Variants in CD58 observed in about 807,000 individuals in gnomAD.
CD58 encodes lymphocyte function-associated antigen 3.
In CD58, 14 loss-of-function variants were observed where a neutral mutation model predicts 27.6. The observed-to-expected ratio is 0.51, with a 90% confidence interval of 0.34 to 0.79. The LOEUF (loss-of-function observed/expected upper bound fraction) is 0.79, where lower values mean the gene tolerates loss of function less well. CD58 is among the 30% of genes least tolerant of loss of function. CD58 has a pLI of 0.02. For missense variants in CD58, 268 were observed against 301.7 expected (o/e 0.89, Z 0.83); for synonymous variants, 117 against 103.8 (o/e 1.13, Z -0.77).
At chr1:116,529,417 G>A (rs1163706240) in intron 3 of CD58, among the ~76,000 whole-genome samples, 1 of 152,200 alleles carries the variant, frequency 6.6e-6, no homozygotes, top group Non-Finnish European at 1.5e-5. Context: ...ATGCCTTGGA[G>A]CTGCAATTTT....
At chr1:116,564,335 T>C (rs1354618166) in intron 1 of CD58, among the ~76,000 whole-genome samples, 1 of 152,232 alleles carries the variant, frequency 6.6e-6, no homozygotes, top group East Asian at 1.9e-4. Flanking sequence ...TCTTCCTGTC[T>C]TCTTCTGAGT....
At chr1:116,529,408 T>A (rs986205268) in intron 3 of CD58, among the ~76,000 whole-genome samples, 2 of 152,204 alleles carry the variant, frequency 1.3e-5, no homozygotes, top group African/African-American at 4.8e-5. Flanking sequence ...CATCTCCCAA[T>A]GCCTTGGAGC....
chr1:116,552,603 C>A lies in CD58; in HGVS notation c.71-7999G>T, dbSNP rs1017165282. ...AAATGGTCTTATGCACACTTCTCTACATCCCGCCTTTCCATTAATATGTCA... is the reference window on the plus strand; with the variant it reads ...AAATGGTCTTATGCACACTTCTCTAAATCCCGCCTTTCCATTAATATGTCA... On this transcript the variant is annotated intron_variant, in intron 1 of 5. Coordinates refer to ENST00000369489, the MANE Select transcript of CD58 (RefSeq NM_001779.3). The surrounding 1 kb of genome is among the most constrained non-coding windows in gnomAD (Gnocchi z 4.5). 1.3e-5 allele frequency among the ~76,000 whole-genome samples: 2 copies of A among 152,222 alleles called. No individual in the cohort carries two copies. The highest frequency in any genetic ancestry group is 1.3e-4 in the Admixed American group (2 of 15,288).
At position 116,522,975 on chromosome 1, in the gene CD58, TAATA is replaced by T. The variant is rs1190945998; in HGVS notation, c.629-996_629-993del. On this transcript the variant is annotated intron_variant, in intron 3 of 5. Transcript: ENST00000369489. This position sits in a 1 kb window ranked among gnomAD's most constrained non-coding sequence, Gnocchi z 4.6. The stretch of plus-strand genomic sequence containing the variant: ...CTCACAGGGTAACTATACTCGAGAC[TAATA>T]AATATACTTATCTCATAGGGTAGTT... Among the ~76,000 whole-genome samples, 1 of 152,222 alleles carries T rather than the reference TAATA, an allele frequency of 6.6e-6. No individual in the cohort carries two copies. Among genetic ancestry groups the T allele is most frequent in the Non-Finnish European group, 1.5e-5 (1 of 68,036 alleles).
At chr1:116,547,610 C>G (rs535911131) in intron 1 of CD58, among the ~76,000 whole-genome samples, 1 of 151,978 alleles carries the variant, frequency 6.6e-6, no homozygotes, top group East Asian at 1.9e-4. Flanking sequence ...ATTACAGACA[C>G]GAGCCACCGC....
At position 116,535,203 on chromosome 1, in the gene CD58, C is replaced by T. The variant is rs115786588; in HGVS notation, c.628+762G>A. Among the ~76,000 whole-genome samples the T allele has an allele frequency of 5.6e-3, 851 of 152,298 alleles. 5 individuals are homozygous for T. The highest frequency in any genetic ancestry group is 0.02 in the African/African-American group (816 of 41,564). On this transcript the variant is annotated intron_variant, in intron 3 of 5. Transcript: ENST00000369489. ...TAGGCCTAAGGAAACATATCAAATG[C>T]ATGTTCCTGTAGTAGATATGTAACC...
chr1:116,519,617 T>G lies in CD58; in HGVS notation c.707-350A>C, dbSNP rs1362807994. Among the ~76,000 whole-genome samples, 1 of 152,056 alleles carries G rather than the reference T, an allele frequency of 6.6e-6. No homozygotes were observed. The highest frequency in any genetic ancestry group is 2.4e-5 in the African/African-American group (1 of 41,462). ...CAAGCCACATAAGTAATTTAAAATT[T>G]TTGGTATCCACATTACAAAGTAAAA... is the stretch of plus-strand genomic sequence containing the variant. On this transcript the variant is annotated intron_variant, in intron 4 of 5. Coordinates refer to ENST00000369489, the MANE Select transcript of CD58 (RefSeq NM_001779.3). The surrounding 1 kb of genome is among the most constrained non-coding windows in gnomAD (Gnocchi z 4.7).
intron 3 of CD58, among the ~76,000 whole-genome samples, chr1:116,530,667 G>C (rs1051994795): frequency 6.6e-6 from 1 of 152,098 alleles, no homozygotes; most frequent in Admixed American, 6.5e-5. Flanking sequence ...GGAAAGTTTA[G>C]ATGAGAAATC....
At chr1:116,533,190 C>G in intron 3 of CD58, 2 of 755,272 alleles carry the variant, frequency 2.6e-6, no homozygotes, top group Non-Finnish European at 4.9e-6. Flanking sequence ...TTCTCCGTCC[C>G]CAGATGCTTT....
rs1280126709 is a variant in CD58 at position 116,559,117 on chromosome 1, GAGGAGTACTGGTA to G, written c.70+11773_70+11785del. The stretch of plus-strand genomic sequence containing the variant: ...AAAAATAAAGCAGAGTGTGGGGGCT[GAGGAGTACTGGTA>G]AGGAAAGGAGTTGGATGGCATGGGG... On this transcript the variant is annotated intron_variant, in intron 1 of 5. Coordinates refer to ENST00000369489, the MANE Select transcript of CD58 (RefSeq NM_001779.3). The surrounding 1 kb of genome is among the most constrained non-coding windows in gnomAD (Gnocchi z 4.4). Among the ~76,000 whole-genome samples, 1 of 152,208 alleles carries G rather than the reference GAGGAGTACTGGTA, an allele frequency of 6.6e-6. No homozygotes were observed. The highest frequency in any genetic ancestry group is 1.5e-5 in the Non-Finnish European group (1 of 68,038).
chr1:116,514,753 A>G lies in CD58; in HGVS notation c.*60T>C. 1 of 1,115,402 alleles carries G rather than the reference A, an allele frequency of 9.0e-7. No homozygotes were observed. The highest frequency in any genetic ancestry group is 1.3e-6 in the Non-Finnish European group (1 of 752,814). 69.1% of individuals were successfully genotyped at this position (1,115,402 alleles called of 1,614,324 possible). The stretch of plus-strand genomic sequence containing the variant: ...TTGTAATACTCAAATGAGAAATCAG[A>G]TGGCTTTTTAGTTTTTAAAATAATT... On this transcript the variant is annotated 3_prime_UTR_variant, in exon 6 of 6. Coordinates refer to ENST00000369489, the MANE Select transcript of CD58 (RefSeq NM_001779.3).
intron 1 of CD58, among the ~76,000 whole-genome samples, chr1:116,547,702 A>G (rs1203247410): frequency 6.6e-6 from 1 of 152,048 alleles, no homozygotes; most frequent in Non-Finnish European, 1.5e-5. Flanking sequence ...TCATTGATTG[A>G]TGGGCATTTA....
chr1:116,536,216 G>A lies in CD58; in HGVS notation c.377C>T (p.Ser126Phe). 6.2e-7 allele frequency: 1 copy of A among 1,607,470 alleles called. No individual in the cohort carries two copies. The highest frequency in any genetic ancestry group is 8.5e-7 in the Non-Finnish European group (1 of 1,175,136). The stretch of plus-strand genomic sequence containing the variant: ...AGTCAATGCACAAGTTAGTGTGGGA[G>A]ATGGAAGAGACTCTGGAAAAAAAAG... ...FFLYVLESLPSPTLTCALTNG... is the reference protein window; with the variant it reads ...FFLYVLESLPFPTLTCALTNG... The change falls in exon 3 of 6, where the codon TCT (serine) becomes TTT (phenylalanine). Residue 126 changes from serine to phenylalanine, a missense_variant. By Grantham distance (155) the Ser-to-Phe change is radical. Coordinates refer to ENST00000369489, the MANE Select transcript of CD58 (RefSeq NM_001779.3). The surrounding 1 kb of genome is among the most constrained non-coding windows in gnomAD (Gnocchi z 5.4).
intron 3 of CD58, chr1:116,533,096 A>G: frequency 1.3e-6 from 1 of 745,726 alleles, no homozygotes; most frequent in Non-Finnish European, 2.5e-6. Context: ...AGCGAAGTAC[A>G]GCACAGCCTG....
Position 116,522,057 on chromosome 1 carries a change from A to T in CD58, c.629-74T>A. The T allele has an allele frequency of 1.3e-6, 1 of 776,946 alleles. No homozygotes were observed. The highest frequency in any genetic ancestry group is 2.1e-6 in the Non-Finnish European group (1 of 470,550). 48.1% of individuals were successfully genotyped at this position (776,946 alleles called of 1,614,324 possible). On this transcript the variant is annotated intron_variant, in intron 3 of 5. Transcript: ENST00000369489. The surrounding 1 kb of genome is among the most constrained non-coding windows in gnomAD (Gnocchi z 4.6). Reference sequence around the variant, plus strand: ...TGGATCCTCATTATTTGCAGATTCCACCTTGCGGTTTGCTTATTTACTGAA... The same window carrying T: ...TGGATCCTCATTATTTGCAGATTCCTCCTTGCGGTTTGCTTATTTACTGAA...
rs1245896587 is a variant in CD58 at position 116,559,583 on chromosome 1, C to T, written c.70+11320G>A. Reference sequence around the variant, plus strand: ...ATTTCAGCCACACCACCACCAGTTTCCCTGCCCTCATCTACTTCATACTGA... The same window carrying T: ...ATTTCAGCCACACCACCACCAGTTTTCCTGCCCTCATCTACTTCATACTGA... On this transcript the variant is annotated intron_variant, in intron 1 of 5. Transcript: ENST00000369489. The surrounding 1 kb of genome is among the most constrained non-coding windows in gnomAD (Gnocchi z 4.4). Among the ~76,000 whole-genome samples, 1 of 152,122 alleles carries T rather than the reference C, an allele frequency of 6.6e-6. No individual in the cohort carries two copies. The highest frequency in any genetic ancestry group is 2.1e-4 in the South Asian group (1 of 4,816).
Position 116,563,953 on chromosome 1 carries a change from T to C in CD58, c.70+6950A>G, listed in dbSNP as rs1405932987. 3.3e-5 allele frequency among the ~76,000 whole-genome samples: 5 copies of C among 152,256 alleles called. No homozygotes were observed. The highest frequency in any genetic ancestry group is 7.3e-5 in the Non-Finnish European group (5 of 68,038). ...TTCCTCAGAAAAGGGGTTTTTCTTTTCTATTGCATCATTGGGCTGCAAATT... is the reference window on the plus strand; with the variant it reads ...TTCCTCAGAAAAGGGGTTTTTCTTTCCTATTGCATCATTGGGCTGCAAATT... On this transcript the variant is annotated intron_variant, in intron 1 of 5. Transcript: ENST00000369489. The surrounding 1 kb of genome is among the most constrained non-coding windows in gnomAD (Gnocchi z 4.1).
Position 116,538,614 on chromosome 1 carries a change from T to C in CD58, c.365-2386A>G, listed in dbSNP as rs1201793707. Among the ~76,000 whole-genome samples, 1 of 152,224 alleles carries C rather than the reference T, an allele frequency of 6.6e-6. No homozygotes were observed. The highest frequency in any genetic ancestry group is 1.5e-5 in the Non-Finnish European group (1 of 68,036). ...CACCATCCCAGGTGCTTCTGATGTA[T>C]GTGGCCTGTTTGTTCTGTTGCAGAT... On this transcript the variant is annotated intron_variant, in intron 2 of 5. Coordinates refer to ENST00000369489, the MANE Select transcript of CD58 (RefSeq NM_001779.3). This position sits in a 1 kb window ranked among gnomAD's most constrained non-coding sequence, Gnocchi z 4.7.
At position 116,521,788 on chromosome 1, in the gene CD58, TTTTG is replaced by T. The variant is rs1262636097; in HGVS notation, c.706+114_706+117del. The T allele has an allele frequency of 4.2e-5, 30 of 708,538 alleles. No homozygotes were observed. The highest frequency in any genetic ancestry group is 9.1e-5 in the African/African-American group (5 of 55,056). 43.9% of individuals were successfully genotyped at this position (708,538 alleles called of 1,614,324 possible). ...TCCCACACACGTAAAGCAAAAAAGT[TTTTG>T]TTTCTTTTCAAATGTCTAAAATTTC... On this transcript the variant is annotated intron_variant, in intron 4 of 5. Coordinates refer to ENST00000369489, the MANE Select transcript of CD58 (RefSeq NM_001779.3). This position sits in a 1 kb window ranked among gnomAD's most constrained non-coding sequence, Gnocchi z 5.6.
Sources: gnomAD v4.1 joint callset for allele counts (sites outside exome capture counted in the v4.1 genomes callset) on GRCh38, gnomAD v4.1.1 for gene constraint, Gnocchi (gnomAD v3.1) non-coding constraint, MANE v1.5 for transcripts, NCBI Gene and HGNC (gene_info 2026-07-23, HGNC 2026-07-21) for gene names.